Variants in CABP2 observed in about 807,000 individuals in gnomAD.
CABP2 encodes the protein calcium binding protein 2.
CABP2 carries 25 observed loss-of-function variants against 28.6 expected under a neutral mutation model. The ratio of observed to expected loss-of-function variants is 0.87; its 90% CI spans 0.64 to 1.22. The LOEUF (loss-of-function observed/expected upper bound fraction) is 1.22. Among genes scored for constraint, CABP2 ranks in the 50% most tolerant of loss-of-function variants. The probability of loss-of-function intolerance (pLI) is 0.00; values close to 1 mark genes in which losing one functional copy is unlikely to be tolerated. For missense variants in CABP2, 310 were observed against 312.2 expected (o/e 0.99, Z 0.05); for synonymous variants, 138 against 126.0 (o/e 1.09, Z -0.64).
rs1023521898 is a variant in CABP2 at position 67,522,652 on chromosome 11, T to G, written c.107A>C (p.Lys36Thr). The G allele has an allele frequency of 1.9e-6, 3 of 1,542,596 alleles. No homozygotes were observed. The highest frequency in any genetic ancestry group is 2.6e-6 in the Non-Finnish European group (3 of 1,142,488). Reference protein sequence around the residue: ...GSCPSPSSSPKEQGDPAPGVQ... With the variant: ...GSCPSPSSSPTEQGDPAPGVQ... ...GCCTGGCGCGGGGTCCCCCTGCTCC[T>G]TGGGGCTGGAGCTGGGGCTGGGGCA... Residue 36 changes from lysine to threonine, a missense_variant, in exon 2 of 7, where the codon AAG (lysine) becomes ACG (threonine). Coordinates refer to ENST00000294288, the MANE Select transcript of CABP2 (RefSeq NM_016366.3).
chr11:67,521,984 T>C lies in CABP2; in HGVS notation c.214-2A>G. ...CTCCTCGGGCCGCAGCTCCCGGTCC[T>C]GAAGGGCACAGAGGGGTTAGGAATT... On this transcript the variant is annotated splice_acceptor_variant, in intron 2 of 6. Coordinates refer to ENST00000294288, the MANE Select transcript of CABP2 (RefSeq NM_016366.3). LOFTEE classifies it high-confidence loss of function. 1 of 1,609,112 alleles carries C rather than the reference T, an allele frequency of 6.2e-7. No individual in the cohort carries two copies. Among genetic ancestry groups the C allele is most frequent in the Non-Finnish European group, 8.5e-7 (1 of 1,177,454 alleles).
In CABP2 at chr11:67,520,165, G is replaced by A. The variant is rs746246468; in HGVS notation, c.380-5C>T. ...CAAAGTCCACCTTTCCGCCACCTGG[G>A]GGTCCCGTCCATTACAGACCCAGGG... On this transcript the variant is annotated splice_polypyrimidine_tract_variant and splice_region_variant and intron_variant, in intron 4 of 6. Coordinates refer to ENST00000294288, the MANE Select transcript of CABP2 (RefSeq NM_016366.3). The A allele has an allele frequency of 6.2e-7, 1 of 1,605,826 alleles. No homozygotes were observed. Among genetic ancestry groups the A allele is most frequent in the African/African-American group, 1.3e-5 (1 of 74,838 alleles).
rs192306176 is a variant in CABP2, at chr11:67,520,017, C to T, written c.489+34G>A. ...CAGCCCCTCACTCACGGCAGACACG[C>T]AGCCCTGCCCGCCCTCAGCCCCAGT... On this transcript the variant is annotated intron_variant, in intron 5 of 6. Coordinates refer to ENST00000294288, the MANE Select transcript of CABP2 (RefSeq NM_016366.3). The T allele has an allele frequency of 5.1e-4, 815 of 1,604,094 alleles. 7 individuals carry two copies. In the Admixed American group the frequency reaches 0.013, roughly 25 times the overall value.
At chr11:67,522,768 T>C in intron 1 of CABP2, 52 bp from the exon 2 acceptor site, 1 of 1,409,218 alleles carries the variant, frequency 7.1e-7, no homozygotes, top group Non-Finnish European at 9.3e-7. Flanking sequence ...GCTCTGGGCC[T>C]GATAGCCCTC....
chr11:67,519,841 T>A lies in CABP2; in HGVS notation c.589A>T (p.Ile197Phe). Residue 197 changes from isoleucine to phenylalanine, a missense_variant, in exon 6 of 7, where the codon ATC becomes TTC. Physicochemically the swap from Ile to Phe is conservative, Grantham distance 21. Transcript: ENST00000294288. ...CCATTGAGGTCCACGTCCTGGAGGATCTCGTCCACCTCCCGCTGGCTGAGG... is the reference window on the plus strand; with the variant it reads ...CCATTGAGGTCCACGTCCTGGAGGAACTCGTCCACCTCCCGCTGGCTGAGG... ...ERLSQREVDE[I>F]LQDVDLNGDG... 6.2e-7 allele frequency: 1 copy of A among 1,614,058 alleles called. No individual in the cohort carries two copies. Among genetic ancestry groups the A allele is most frequent in the Non-Finnish European group, 8.5e-7 (1 of 1,179,990 alleles).
intron 2 of CABP2, 26 bp from the exon 3 acceptor site, chr11:67,522,008 T>A: frequency 6.2e-7 from 1 of 1,607,544 alleles, no homozygotes; most frequent in Non-Finnish European, 8.5e-7. Flanking sequence ...GGGTTAGGAA[T>A]TCCCTGCTCC....
At chr11:67,521,763 G>C (rs1866750144) in intron 3 of CABP2, among the ~76,000 whole-genome samples, 189 bp downstream of exon 3, 1 of 152,112 alleles carries the variant, frequency 6.6e-6, no homozygotes, top group African/African-American at 2.4e-5. Context: ...CTGGGTGGGG[G>C]TCTGTCATCC....
Position 67,521,151 on chromosome 11 carries a change from C to A in CABP2, c.253G>T (p.Val85Phe), listed in dbSNP as rs760031047. Residue 85 changes from valine to phenylalanine, a missense_variant, in exon 4 of 7, where the codon GTC (valine) becomes TTC (phenylalanine). Coordinates refer to ENST00000294288, the MANE Select transcript of CABP2 (RefSeq NM_016366.3). ...TCTCGGTCAAACTCCTGGAAGGCGACCTGCAGCTCTGCCAGGCAGGGTGGG... is the reference window on the plus strand; with the variant it reads ...TCTCGGTCAAACTCCTGGAAGGCGAACTGCAGCTCTGCCAGGCAGGGTGGG... Reference protein sequence around the residue: ...LRPEEIEELQVAFQEFDRDRD... With the variant: ...LRPEEIEELQFAFQEFDRDRD... 25 of 1,612,436 alleles carry A rather than the reference C, an allele frequency of 1.6e-5. 2 individuals are homozygous for A. The South Asian group carries it at 2.2e-4, about 14-fold the overall frequency.
chr11:67,521,527 G>A (rs1024687750), intron 3 of CABP2, among the ~76,000 whole-genome samples: 5 of 151,956 alleles, frequency 3.3e-5, no homozygotes, highest in African/African-American at 4.8e-5. Flanking sequence ...GGCCTCCCCC[G>A]GCCCATTTGT....
chr11:67,519,803 G>A lies in CABP2; in HGVS notation c.627C>T (p.Val209=), dbSNP rs904697651. 1.9e-6 allele frequency: 3 copies of A among 1,613,758 alleles called. No individual in the cohort carries two copies. Among genetic ancestry groups the A allele is most frequent in the African/African-American group, 2.7e-5 (2 of 74,896 alleles). The stretch of plus-strand genomic sequence containing the variant: ...TGCGGCAGGGGGTACCTTCGAAGTC[G>A]ACCAGACCGTCCCCATTGAGGTCCA... The part of the protein sequence containing the change: ...QDVDLNGDGL[V]DFEEFVRMMS... Residue 209 remains valine (V), a synonymous_variant, in exon 6 of 7, where the codon GTC becomes GTT. Coordinates refer to ENST00000294288, the MANE Select transcript of CABP2 (RefSeq NM_016366.3).
chr11:67,522,847 G>T (rs1324857526), intron 1 of CABP2, 131 bp from the exon 2 acceptor site: 11 of 777,318 alleles, frequency 1.4e-5, no homozygotes, highest in Non-Finnish European at 2.2e-5. Flanking sequence ...GGGCTGGGGG[G>T]TAGAGAGAGG....
Position 67,519,840 on chromosome 11 carries a change from A to G in CABP2, c.590T>C (p.Ile197Thr), listed in dbSNP as rs145369252. 609 of 1,613,984 alleles carry G rather than the reference A, an allele frequency of 3.8e-4. 1 individual carries two copies. Among genetic ancestry groups the G allele is most frequent in the Middle Eastern group, 2.6e-3 (16 of 6,056 alleles). Residue 197 changes from isoleucine (I) to threonine (T), a missense_variant, in exon 6 of 7, where the codon ATC becomes ACC. Ile to Thr is a moderately conservative substitution (Grantham distance 89). Transcript: ENST00000294288. The part of the protein sequence containing the change: ...ERLSQREVDE[I>T]LQDVDLNGDG... ...CCCATTGAGGTCCACGTCCTGGAGG[A>G]TCTCGTCCACCTCCCGCTGGCTGAG... is the stretch of plus-strand genomic sequence containing the variant.
intron 4 of CABP2, among the ~76,000 whole-genome samples, chr11:67,520,473 C>G (rs1266246796): frequency 6.6e-6 from 1 of 152,074 alleles, no homozygotes; most frequent in Non-Finnish European, 1.5e-5. Context: ...GCCTGACTAA[C>G]ATGGTGAAAC....
chr11:67,521,857 G>GCCC, intron 3 of CABP2, 95 bp downstream of exon 3: 1 of 852,770 alleles, frequency 1.2e-6, no homozygotes, highest in East Asian at 2.7e-5. Context: ...AAACACTGAG[G>GCCC]CCCCCACCCG....
At position 67,522,675 on chromosome 11, in the gene CABP2, G is replaced by C. The variant is rs777919128; in HGVS notation, c.84C>G (p.Cys28Trp). ...CCTTGGGGCTGGAGCTGGGGCTGGG[G>C]CAGGAGCCCCTTGGTGGGGAGCCGA... ...QWLGSPPRGSCPSPSSSPKEQ... is the reference protein window; with the variant it reads ...QWLGSPPRGSWPSPSSSPKEQ... Residue 28 changes from cysteine to tryptophan, a missense_variant, in exon 2 of 7, where the codon TGC becomes TGG. By Grantham distance (215) the Cys-to-Trp change is radical. Coordinates refer to ENST00000294288, the MANE Select transcript of CABP2 (RefSeq NM_016366.3). The C allele has an allele frequency of 1.3e-6, 2 of 1,531,446 alleles. No homozygotes were observed. The highest frequency in any genetic ancestry group is 2.4e-5 in the South Asian group (2 of 82,438). The allele number at this position is 1,531,446 out of a possible 1,614,324, so 94.9% of individuals were successfully genotyped here.
chr11:67,522,090 G>A (rs577400882), intron 2 of CABP2, 108 bp from the exon 3 acceptor site: 19 of 961,070 alleles, frequency 2.0e-5, no homozygotes, highest in East Asian at 5.2e-5. Flanking sequence ...ACACGCACAC[G>A]CAGGGCCTGT....
chr11:67,518,915 C>A lies in CABP2; in HGVS notation c.*224G>T. The stretch of plus-strand genomic sequence containing the variant: ...AGCAAGTGAGAGGCAAAAGCCATCT[C>A]CCCAGGCTTGGAGATATTTTATTGT... On this transcript the variant is annotated 3_prime_UTR_variant, in exon 7 of 7. Coordinates refer to ENST00000294288, the MANE Select transcript of CABP2 (RefSeq NM_016366.3). The A allele has an allele frequency of 1.7e-6, 1 of 589,502 alleles. No individual in the cohort carries two copies. The highest frequency in any genetic ancestry group is 2.8e-5 in the East Asian group (1 of 35,502). 36.5% of individuals were successfully genotyped at this position (589,502 alleles called of 1,614,324 possible).
intron 5 of CABP2, 30 bp downstream of exon 5, chr11:67,520,021 C>T (rs771418384): frequency 6.2e-7 from 1 of 1,605,844 alleles, no homozygotes; most frequent in South Asian, 1.1e-5. Context: ...GACACGCAGC[C>T]CTGCCCGCCC....
chr11:67,522,524 G>A, intron 2 of CABP2, 22 bp downstream of exon 2: 1 of 1,552,856 alleles, frequency 6.4e-7, no homozygotes. Context: ...AGGCAGGCTG[G>A]CGGGCGGGTG....
Sources: allele counts gnomAD v4.1 joint callset (sites outside exome capture counted in the v4.1 genomes callset), GRCh38; gene constraint gnomAD v4.1.1; transcripts MANE v1.5; gene names NCBI Gene and HGNC (gene_info 2026-07-23, HGNC 2026-07-21).